CTSE: variants seen among roughly 807,000 people sequenced by gnomAD.
The protein encoded by CTSE is cathepsin E, also known as erythrocyte membrane aspartic proteinase.
A neutral mutation model predicts 42.8 loss-of-function variants in CTSE; 43 were observed. The ratio of observed to expected loss-of-function variants is 1.01; its 90% CI spans 0.79 to 1.30. The LOEUF (loss-of-function observed/expected upper bound fraction) is 1.30. Ranked by LOEUF, CTSE falls within the 50% of genes most tolerant of loss-of-function variation. CTSE has a pLI of 0.00. For synonymous variants in CTSE, 205 were observed against 191.5 expected (o/e 1.07, Z -0.58); for missense variants, 532 against 493.5 (o/e 1.08, Z -0.74).
In CTSE at chr1:206,022,883, G is replaced by A. The variant is rs1461245750; in HGVS notation, c.225+18C>T. 1 of 1,550,728 alleles carries A rather than the reference G, an allele frequency of 6.4e-7. No homozygotes were observed. Among genetic ancestry groups the A allele is most frequent in the Non-Finnish European group, 8.7e-7 (1 of 1,144,090 alleles). On this transcript the variant is annotated intron_variant, in intron 2 of 8. Coordinates refer to ENST00000358184, the MANE Select transcript of CTSE (RefSeq NM_001910.4). ...CCCGCTCCCACCTCTCCCCAGCCCT[G>A]ACCCCAGGAGGCCTCACATCCAAGT...
rs782431947 is a variant in CTSE at position 206,010,045 on chromosome 1, T to C, written c.*138A>G. The C allele has an allele frequency of 2.2e-4, 196 of 878,240 alleles. 1 individual carries two copies. The highest frequency in any genetic ancestry group is 3.3e-4 in the Non-Finnish European group (182 of 545,570). 54.4% of individuals were successfully genotyped at this position (878,240 alleles called of 1,614,324 possible). On this transcript the variant is annotated 3_prime_UTR_variant, in exon 9 of 9. Coordinates refer to ENST00000358184, the MANE Select transcript of CTSE (RefSeq NM_001910.4). ...TGTGTGTGTGTGTATTCTCATGTTC[T>C]GTTTGGTCTTAATTCAAGTTGCAAC... is the stretch of plus-strand genomic sequence containing the variant.
At position 206,016,137 on chromosome 1, in the gene CTSE, G is replaced by A; in HGVS notation, c.463-7C>T. On this transcript the variant is annotated splice_region_variant and splice_polypyrimidine_tract_variant and intron_variant, in intron 4 of 8. Transcript: ENST00000358184. The stretch of plus-strand genomic sequence containing the variant: ...CCACGGTTAGTCCTTCCACCTGGTA[G>A]GAGAAAGCCCACAGGAGAACAGGAG... The A allele has an allele frequency of 6.2e-7, 1 of 1,613,088 alleles. No individual in the cohort carries two copies. The highest frequency in any genetic ancestry group is 8.5e-7 in the Non-Finnish European group (1 of 1,179,314).
rs944284638 is a variant in CTSE, at chr1:206,009,910, A to T, written c.*273T>A. ...TCATAATCAAATGTGAAAATTTTTGATTTTCATAATCAAAAATCAATACAA... is the reference window on the plus strand; with the variant it reads ...TCATAATCAAATGTGAAAATTTTTGTTTTTCATAATCAAAAATCAATACAA... On this transcript the variant is annotated 3_prime_UTR_variant, in exon 9 of 9. Coordinates refer to ENST00000358184, the MANE Select transcript of CTSE (RefSeq NM_001910.4). 4.6e-5 allele frequency: 20 copies of T among 436,020 alleles called. No homozygotes were observed. Among genetic ancestry groups the T allele is most frequent in the African/African-American group, 3.8e-4 (19 of 50,180 alleles). 27.0% of individuals were successfully genotyped at this position (436,020 alleles called of 1,614,324 possible).
In CTSE at chr1:206,012,570, C is replaced by A; in HGVS notation, c.865G>T (p.Gly289Cys). ...AGCTGCTTAATCTTGTCGGAAGGGC[C>A]AGTGATGAGGGAAGTCCCTGTGTCC... ...IVDTGTSLITGPSDKIKQLQN... is the reference protein window; with the variant it reads ...IVDTGTSLITCPSDKIKQLQN... The change falls in exon 7 of 9, where the codon GGC becomes TGC. Residue 289 changes from glycine (G) to cysteine (C), a missense_variant. Physicochemically the swap from Gly to Cys is radical, Grantham distance 159 (BLOSUM62 -3). Coordinates refer to ENST00000358184, the MANE Select transcript of CTSE (RefSeq NM_001910.4). 2 of 1,613,982 alleles carry A rather than the reference C, an allele frequency of 1.2e-6. No individual in the cohort carries two copies. Among genetic ancestry groups the A allele is most frequent in the Non-Finnish European group, 1.7e-6 (2 of 1,179,934 alleles).
chr1:206,023,112 C>A (rs983237713), intron 1 of CTSE, 55 bp from the exon 2 acceptor site: 20 of 1,557,736 alleles, frequency 1.3e-5, no homozygotes, highest in Middle Eastern at 1.8e-4. Context: ...CCTCTTCCCC[C>A]CATTCTCGTC....
rs782665809 is a variant in CTSE at position 206,012,672 on chromosome 1, G to A, written c.786-23C>T. The A allele has an allele frequency of 1.4e-4, 225 of 1,607,450 alleles. 3 individuals are homozygous for A. The highest frequency in any genetic ancestry group is 4.0e-4 in the South Asian group (36 of 90,894). ...ATGCTGAGGGGACAGGGTTGTGGTC[G>A]GCCCACCTTCCCTCCCCCGGCTCCT... On this transcript the variant is annotated intron_variant, in intron 6 of 8. Coordinates refer to ENST00000358184, the MANE Select transcript of CTSE (RefSeq NM_001910.4).
In CTSE at chr1:206,013,805, G is replaced by T; in HGVS notation, c.752C>A (p.Thr251Asn). Residue 251 changes from threonine (T) to asparagine (N), a missense_variant, in exon 6 of 9, where the codon ACC becomes AAC. Transcript: ENST00000358184. ...TGCAATCTGCCAGTAAGCTTGCTTG[G>T]TGACTGGGACCCAATTCAGGCTCCC... ...FSGSLNWVPV[T>N]KQAYWQIALD... The T allele has an allele frequency of 6.2e-7, 1 of 1,613,808 alleles. No homozygotes were observed. The highest frequency in any genetic ancestry group is 1.3e-5 in the African/African-American group (1 of 75,020).
intron 4 of CTSE, among the ~76,000 whole-genome samples, chr1:206,020,464 TG>T (rs1167868573): frequency 6.6e-6 from 1 of 152,034 alleles, no homozygotes; most frequent in Non-Finnish European, 1.5e-5. Context: ...TCTATAAGCC[TG>T]AAAAAGTACC....
At chr1:206,023,160 G>A (rs893848476) in intron 1 of CTSE, 103 bp from the exon 2 acceptor site, 1 of 772,102 alleles carries the variant, frequency 1.3e-6, no homozygotes, top group East Asian at 3.4e-5. Context: ...GATGGGGTGG[G>A]AGGGGGGGAT....
intron 4 of CTSE, among the ~76,000 whole-genome samples, chr1:206,017,376 G>A (rs1220174206): frequency 2.6e-5 from 4 of 151,820 alleles, no homozygotes; most frequent in Admixed American, 2.6e-4. Flanking sequence ...TTCAGATTTG[G>A]GATACTAAAC....
At position 206,012,438 on chromosome 1, in the gene CTSE, C is replaced by G. The variant is rs782021685; in HGVS notation, c.928-32G>C. ...CCCAATACGGAGGATCCGTTTAGAG[C>G]CTTGCCACCTCCCAAGAGAAGGCCT... On this transcript the variant is annotated intron_variant, in intron 7 of 8. Transcript: ENST00000358184. 5.0e-6 allele frequency: 8 copies of G among 1,613,714 alleles called. No homozygotes were observed. The East Asian group carries it at 1.1e-4, about 22-fold the overall frequency.
At chr1:206,012,259 G>C (rs781826955) in intron 8 of CTSE, 49 bp downstream of exon 8, 1 of 1,460,380 alleles carries the variant, frequency 6.8e-7, no homozygotes, top group South Asian at 1.2e-5. Flanking sequence ...GAAGTGGCAG[G>C]CATGTGGGGA....
At chr1:206,022,769 C>T in intron 2 of CTSE, 132 bp downstream of exon 2, 1 of 903,870 alleles carries the variant, frequency 1.1e-6, no homozygotes, top group Non-Finnish European at 1.6e-6. Context: ...GAATCAGTCC[C>T]CATGGATCAT....
chr1:206,018,078 GT>G (rs1661311407), intron 4 of CTSE, among the ~76,000 whole-genome samples: 1 of 152,002 alleles, frequency 6.6e-6, no homozygotes, highest in Admixed American at 6.6e-5. Flanking sequence ...TAAGTATAAA[GT>G]TTGCTGTGGG....
At chr1:206,023,292 A>G (rs1571824779) in intron 1 of CTSE, among the ~76,000 whole-genome samples, 1 of 151,768 alleles carries the variant, frequency 6.6e-6, no homozygotes, top group South Asian at 2.1e-4. Context: ...CCCCTCCTGG[A>G]GCTGAGGTCT....
In CTSE at chr1:206,010,035, T is replaced by A; in HGVS notation, c.*148A>T. ...TGTATATGTGTGTGTGTGTGTGTAT[T>A]CTCATGTTCTGTTTGGTCTTAATTC... is the stretch of plus-strand genomic sequence containing the variant. On this transcript the variant is annotated 3_prime_UTR_variant, in exon 9 of 9. Coordinates refer to ENST00000358184, the MANE Select transcript of CTSE (RefSeq NM_001910.4). 1 of 775,374 alleles carries A rather than the reference T, an allele frequency of 1.3e-6. No homozygotes were observed. The highest frequency in any genetic ancestry group is 2.2e-6 in the Non-Finnish European group (1 of 461,704). 48.0% of individuals were successfully genotyped at this position (775,374 alleles called of 1,614,324 possible). A position where few individuals can be genotyped will look rare whatever the true frequency, so the allele number is the denominator to read the frequency against.
intron 1 of CTSE, 142 bp from the exon 2 acceptor site, chr1:206,023,199 G>A: frequency 1.2e-6 from 1 of 858,130 alleles, no homozygotes; most frequent in Non-Finnish European, 1.8e-6. Flanking sequence ...GATACAGGTG[G>A]GATCAGCGTC....
chr1:206,012,618 A>AAG lies in CTSE; in HGVS notation c.816_817insCT (p.Ser273LeufsTer140). Reference sequence around the variant, plus strand: ...TCCACAATGGCCTGGCAGCCCTCGGAGCAGAACATAACAGTGCCTCCCACC... The same window carrying AAG: ...TCCACAATGGCCTGGCAGCCCTCGGAAGGCAGAACATAACAGTGCCTCCCACC... On this transcript the variant is annotated frameshift_variant, in exon 7 of 9. Transcript: ENST00000358184. LOFTEE classifies it high-confidence loss of function. 1 of 1,613,970 alleles carries AAG rather than the reference A, an allele frequency of 6.2e-7. No homozygotes were observed. The highest frequency in any genetic ancestry group is 1.1e-5 in the South Asian group (1 of 91,082).
intron 1 of CTSE, 69 bp downstream of exon 1, chr1:206,023,655 C>T (rs1571825320): frequency 2.0e-6 from 3 of 1,488,546 alleles, no homozygotes; most frequent in East Asian, 2.3e-5. Flanking sequence ...GCTTTCCTAC[C>T]CCAGAGCAGC....
Sources: allele counts gnomAD v4.1 joint callset (sites outside exome capture counted in the v4.1 genomes callset), GRCh38; gene constraint gnomAD v4.1.1; transcripts MANE v1.5; gene names NCBI Gene and HGNC (gene_info 2026-07-23, HGNC 2026-07-21).